MAPK10: variants seen among roughly 807,000 people sequenced by gnomAD.
MAPK10 encodes the protein mitogen-activated protein kinase 10.
A neutral mutation model predicts 59.3 loss-of-function variants in MAPK10; 25 were observed. That is an observed-to-expected ratio of 0.42 (90% CI 0.31 to 0.59). MAPK10 has a LOEUF of 0.59. Ranked by LOEUF, MAPK10 falls within the 20% of genes least tolerant of loss-of-function variation. The probability of loss-of-function intolerance (pLI) is 0.15; values close to 1 mark genes in which losing one functional copy is unlikely to be tolerated. For missense variants in MAPK10, 351 were observed against 568.9 expected (o/e 0.62, Z 3.90); for synonymous variants, 190 against 200.5 (o/e 0.95, Z 0.44).
intron 2 of MAPK10, among the ~76,000 whole-genome samples, chr4:86,252,249 C>T (rs1156303881): frequency 7.9e-6 from 1 of 126,856 alleles, no homozygotes. Flanking sequence ...TCCTTGCCCA[C>T]GCCTATGTCC....
intron 1 of MAPK10, among the ~76,000 whole-genome samples, chr4:86,576,700 G>C (rs1011535577): frequency 1.3e-5 from 2 of 151,900 alleles, no homozygotes; most frequent in South Asian, 2.1e-4. Context: ...GCATGAACCC[G>C]GGAGGCGGAG....
intron 1 of MAPK10, among the ~76,000 whole-genome samples, chr4:86,445,407 TG>T (rs1054105738): frequency 6.6e-6 from 1 of 151,938 alleles, no homozygotes; most frequent in Non-Finnish European, 1.5e-5. Context: ...CAACACATAC[TG>T]GGGCCTGTCA....
chr4:86,413,682 T>C (rs1404756999), intron 1 of MAPK10, among the ~76,000 whole-genome samples: 3 of 152,176 alleles, frequency 2.0e-5, no homozygotes, highest in African/African-American at 7.2e-5. Context: ...ACTGCTGCGC[T>C]AGCAGTGAGC....
chr4:86,499,199 C>G (rs1014589604), intron 1 of MAPK10, among the ~76,000 whole-genome samples: 1 of 152,172 alleles, frequency 6.6e-6, no homozygotes, highest in Non-Finnish European at 1.5e-5. Context: ...ATAACACACA[C>G]AGAGACACAC....
At chr4:86,158,394 T>C (rs1425230810) in intron 4 of MAPK10, among the ~76,000 whole-genome samples, 1 of 152,042 alleles carries the variant, frequency 6.6e-6, no homozygotes, top group East Asian at 1.9e-4. Context: ...GCTAAGTTTA[T>C]GGTGATTTGC....
At chr4:86,076,608 T>C (rs2049530074) in intron 9 of MAPK10, among the ~76,000 whole-genome samples, 1 of 152,188 alleles carries the variant, frequency 6.6e-6, no homozygotes, top group African/African-American at 2.4e-5. Flanking sequence ...GCAACTCCCT[T>C]AAAGAATGTT....
At chr4:86,145,385 A>AT (rs2064717067) in intron 4 of MAPK10, among the ~76,000 whole-genome samples, 1 of 151,060 alleles carries the variant, frequency 6.6e-6, no homozygotes, top group African/African-American at 2.4e-5. Flanking sequence ...AAAAAAAAAA[A>AT]TTTCTATCTC....
chr4:86,074,303 G>A (rs893667359), intron 9 of MAPK10, among the ~76,000 whole-genome samples: 4 of 146,940 alleles, frequency 2.7e-5, no homozygotes, highest in Non-Finnish European at 4.5e-5. Context: ...ACGTGAGATG[G>A]GTTTCCTGAA....
chr4:86,161,861 G>A (rs2069809408), intron 3 of MAPK10, among the ~76,000 whole-genome samples: 1 of 151,968 alleles, frequency 6.6e-6, no homozygotes, highest in Admixed American at 6.6e-5. Flanking sequence ...TGTGCCTTTG[G>A]ACTTCACTGT....
At chr4:86,508,654 G>C (rs1276176056) in intron 1 of MAPK10, among the ~76,000 whole-genome samples, 1 of 152,112 alleles carries the variant, frequency 6.6e-6, no homozygotes, top group Non-Finnish European at 1.5e-5. Flanking sequence ...GTCTGTAAAT[G>C]ATTTGGCTCT....
chr4:86,058,887 C>G (rs2045170453), intron 11 of MAPK10, among the ~76,000 whole-genome samples: 1 of 152,152 alleles, frequency 6.6e-6, no homozygotes, highest in South Asian at 2.1e-4. Context: ...TGATTCCCTT[C>G]TCTCTTTCTT....
intron 1 of MAPK10, among the ~76,000 whole-genome samples, chr4:86,380,705 C>T (rs1194674713): frequency 1.3e-5 from 2 of 152,108 alleles, no homozygotes; most frequent in East Asian, 3.8e-4. Flanking sequence ...TGCATGTTTA[C>T]ATTTGTACCA....
In MAPK10 at chr4:86,359,979, A is replaced by T; in HGVS notation, c.-443T>A. ...AAGGGGAGGTTAAAGAAAATAGAAG[A>T]AGAGTGGCTTGCTGAATCACCCTCT... On this transcript the variant is annotated 5_prime_UTR_variant, in exon 1 of 14. Transcript: ENST00000641462. 1.0e-6 allele frequency: 1 copy of T among 985,922 alleles called. No individual in the cohort carries two copies. The highest frequency in any genetic ancestry group is 1.2e-6 in the Non-Finnish European group (1 of 829,984). 61.1% of individuals were successfully genotyped at this position (985,922 alleles called of 1,614,324 possible).
chr4:86,047,993 T>C (rs374339804), intron 11 of MAPK10, among the ~76,000 whole-genome samples: 1 of 152,220 alleles, frequency 6.6e-6, no homozygotes, highest in East Asian at 1.9e-4. Context: ...AGAAGTGATC[T>C]GAGTCAAGGT....
At chr4:86,484,534 T>C (rs1446607747) in intron 1 of MAPK10, among the ~76,000 whole-genome samples, 2 of 152,134 alleles carry the variant, frequency 1.3e-5, no homozygotes, top group African/African-American at 4.8e-5. Flanking sequence ...TTGTAATCAT[T>C]TTATCATCTG....
intron 2 of MAPK10, among the ~76,000 whole-genome samples, chr4:86,286,443 A>G (rs969474416): frequency 1.3e-5 from 2 of 152,218 alleles, no homozygotes; most frequent in African/African-American, 4.8e-5. Context: ...TACAAATAAC[A>G]TGTGTAGCAC....
rs145673296 is a variant in MAPK10, at chr4:86,554,231, T to C, written c.-263+39679A>G. Among the ~76,000 whole-genome samples, 678 of 152,356 alleles carry C rather than the reference T, an allele frequency of 4.5e-3. 4 individuals are homozygous for C. Among genetic ancestry groups the C allele is most frequent in the African/African-American group, 0.016 (652 of 41,578 alleles). On this transcript the variant is annotated intron_variant, in intron 1 of 4. Coordinates refer to the MAPK10 transcript ENST00000502302. ...TGCTGATTCTTCCAGGGTTTCATCC[T>C]TGGTGGTATGTTCGTTTTACATTTT...
chr4:86,322,605 T>C (rs2095922572), intron 2 of MAPK10, among the ~76,000 whole-genome samples: 2 of 152,206 alleles, frequency 1.3e-5, no homozygotes, highest in Admixed American at 1.3e-4. Context: ...CGTTTGTTTG[T>C]ATGACTAAGT....
chr4:86,151,484 G>A (rs1454810010), intron 4 of MAPK10, among the ~76,000 whole-genome samples: 1 of 152,168 alleles, frequency 6.6e-6, no homozygotes, highest in Non-Finnish European at 1.5e-5. Flanking sequence ...CTCCAGCTGG[G>A]CTCAGCCTTC....
Sources: allele counts gnomAD v4.1 joint callset (sites outside exome capture counted in the v4.1 genomes callset), GRCh38; gene constraint gnomAD v4.1.1; transcripts MANE v1.5; gene names NCBI Gene and HGNC (gene_info 2026-07-23, HGNC 2026-07-21).